BSG: variants seen among roughly 807,000 people sequenced by gnomAD.
BSG encodes the protein basigin.
Under a neutral mutation model 43.1 loss-of-function variants are expected in BSG, and 37 were observed. The observed-to-expected ratio is 0.86, with a 90% CI of 0.66 to 1.13. BSG has a LOEUF of 1.13. Among genes scored for constraint, BSG ranks in the 50% most tolerant of loss-of-function variants. The pLI is 0.00. For synonymous variants in BSG, 309 were observed against 238.7 expected (o/e 1.29, Z -2.72); for missense variants, 599 against 554.2 (o/e 1.08, Z -0.81).
intron 6 of BSG, 142 bp from the exon 7 acceptor site, chr19:582,164 C>A: frequency 9.6e-7 from 1 of 1,040,130 alleles, no homozygotes; most frequent in South Asian, 1.5e-5. Context: ...GTGGCCGGGG[C>A]TGATGAGCTG....
At chr19:575,568 A>G (rs1204515121) in intron 1 of BSG, among the ~76,000 whole-genome samples, 1 of 121,616 alleles carries the variant, frequency 8.2e-6, no homozygotes, top group African/African-American at 3.1e-5. Flanking sequence ...GCTGCTTCCC[A>G]GAGCTGTTCT....
upstream of BSG, chr19:571,554 C>G: frequency 1.3e-6 from 1 of 779,628 alleles, no homozygotes; most frequent in Non-Finnish European, 2.4e-6. Flanking sequence ...CACAATGAAG[C>G]AGTCGGACGC....
chr19:582,427 G>A (rs1982405859), intron 7 of BSG, 87 bp from the exon 8 acceptor site: 6 of 1,601,828 alleles, frequency 3.7e-6, no homozygotes, highest in Admixed American at 1.7e-5. Context: ...TCAGTATTCG[G>A]GGGTCCTGGG....
rs1301620430 is a variant in BSG, at chr19:581,523, A to AGGTGCT, written c.1011_1016dup (p.Leu338_Val339dup). The AGGTGCT allele has an allele frequency of 3.8e-5, 60 of 1,597,124 alleles. No homozygotes were observed. The Admixed American group carries it at 1.0e-3, about 28-fold the overall frequency. Reference sequence around the variant, plus strand: ...TGGCCCTTCCTGGGCATCGTGGCTGAGGTGCTGGTGCTGGTCACCATCATC... The same window carrying AGGTGCT: ...TGGCCCTTCCTGGGCATCGTGGCTGAGGTGCTGGTGCTGGTGCTGGTCACCATCATC... On this transcript the variant is annotated inframe_insertion, in exon 6 of 9. Coordinates refer to ENST00000333511, the MANE Select transcript of BSG (RefSeq NM_001728.4).
chr19:572,272 C>T (rs1380659992), upstream of BSG: 1 of 536,202 alleles, frequency 1.9e-6, no homozygotes, highest in African/African-American at 2.1e-5. Context: ...GGGTAACACA[C>T]TTTCAACGCT....
intron 1 of BSG, among the ~76,000 whole-genome samples, chr19:574,253 T>TAAAAA (rs11420107): frequency 7.1e-5 from 9 of 127,032 alleles, no homozygotes; most frequent in African/African-American, 2.7e-4. Flanking sequence ...ACTCTGTCTT[T>TAAAAA]AAAAAAAAAA....
upstream of BSG, chr19:572,426 C>T (rs990207531): frequency 8.8e-7 from 1 of 1,136,968 alleles, no homozygotes. Flanking sequence ...GCCCGGATTC[C>T]GTAGCGTGAG....
chr19:578,831 A>G (rs1233916605), intron 2 of BSG: 7 of 352,980 alleles, frequency 2.0e-5, no homozygotes, highest in Non-Finnish European at 3.9e-5. Flanking sequence ...CCCGGGTTCA[A>G]GCGATTCTTC....
chr19:576,469 A>G (rs1334817798), intron 1 of BSG, among the ~76,000 whole-genome samples: 1 of 152,166 alleles, frequency 6.6e-6, no homozygotes, highest in Non-Finnish European at 1.5e-5. Flanking sequence ...CTTTGTGAAA[A>G]TGGCACTGCC....
At chr19:576,037 C>A (rs1158135191) in intron 1 of BSG, among the ~76,000 whole-genome samples, 1 of 152,202 alleles carries the variant, frequency 6.6e-6, no homozygotes, top group Non-Finnish European at 1.5e-5. Context: ...CCTTTTGGTC[C>A]CTTTGGGAGC....
In BSG at chr19:581,500, G is replaced by T. The variant is rs1160173303; in HGVS notation, c.978G>T (p.Trp326Cys). 1 of 1,598,792 alleles carries T rather than the reference G, an allele frequency of 6.3e-7. No individual in the cohort carries two copies. Among genetic ancestry groups the T allele is most frequent in the Non-Finnish European group, 8.5e-7 (1 of 1,173,404 alleles). Reference protein sequence around the residue: ...LRVRSHLAALWPFLGIVAEVL... With the variant: ...LRVRSHLAALCPFLGIVAEVL... ...TGCGCAGCCACCTGGCCGCCCTCTG[G>T]CCCTTCCTGGGCATCGTGGCTGAGG... The change falls in exon 6 of 9, where the codon TGG becomes TGT. Residue 326 changes from tryptophan to cysteine, a missense_variant. Transcript: ENST00000333511.
Position 577,971 on chromosome 19 carries a change from G to A in BSG, c.265G>A (p.Ala89Thr), listed in dbSNP as rs754790842. 4.3e-6 allele frequency: 7 copies of A among 1,612,006 alleles called. No individual in the cohort carries two copies. The South Asian group carries it at 6.6e-5, about 15-fold the overall frequency. ...VHIHATYHQH[A>T]ASTISIDTLV... is the part of the protein sequence containing the mutation. ...CATCCACGCCACCTACCACCAGCAC[G>A]CGGCCAGCACCATCTCCATCGACAC... Residue 89 changes from alanine to threonine, a missense_variant, in exon 2 of 9, where the codon GCG becomes ACG. Ala to Thr is a moderately conservative substitution (Grantham distance 58, BLOSUM62 0). Coordinates refer to ENST00000333511, the MANE Select transcript of BSG (RefSeq NM_001728.4).
intron 6 of BSG, among the ~76,000 whole-genome samples, chr19:581,967 G>A (rs1982365870): frequency 1.3e-5 from 2 of 152,376 alleles, no homozygotes; most frequent in African/African-American, 2.4e-5. Context: ...CTGCCTCCTC[G>A]CGGAGCCCTT....
At chr19:573,257 A>C (rs577310345) in intron 1 of BSG, among the ~76,000 whole-genome samples, 1 of 152,108 alleles carries the variant, frequency 6.6e-6, no homozygotes, top group Admixed American at 6.5e-5. Context: ...GGACCTGGGG[A>C]AAGCGGCCTG....
chr19:578,069 G>A lies in BSG; in HGVS notation c.363G>A (p.Arg121=), dbSNP rs760875038. ...SNDPDRNHLT[R]APRVKWVRAQ... is the part of the protein sequence containing the mutation. ...ACCCGGATCGCAACCACCTGACCCGGGCGCCCAGGGTCAAGTGGGTCCGCG... is the reference window on the plus strand; with the variant it reads ...ACCCGGATCGCAACCACCTGACCCGAGCGCCCAGGGTCAAGTGGGTCCGCG... The change falls in exon 2 of 9, where the codon CGG becomes CGA. Residue 121 remains arginine (R), a synonymous_variant. Coordinates refer to ENST00000333511, the MANE Select transcript of BSG (RefSeq NM_001728.4). The A allele has an allele frequency of 3.7e-6, 6 of 1,607,878 alleles. No homozygotes were observed. In the Admixed American group the frequency reaches 1.0e-4, roughly 27 times the overall value.
chr19:579,432 G>A lies in BSG; in HGVS notation c.416-68G>A, dbSNP rs10416405. 10 of 1,596,154 alleles carry A rather than the reference G, an allele frequency of 6.3e-6. No individual in the cohort carries two copies. In the Admixed American group the frequency reaches 6.7e-5, roughly 11 times the overall value. Reference sequence around the variant, plus strand: ...TCCCGGGGAGGAGCCGCAGGTTCCTGGGGGTCAGGCAGGCAGCGCGGGCCG... The same window carrying A: ...TCCCGGGGAGGAGCCGCAGGTTCCTAGGGGTCAGGCAGGCAGCGCGGGCCG... On this transcript the variant is annotated intron_variant, in intron 2 of 8. Transcript: ENST00000333511.
chr19:572,389 T>C, upstream of BSG: 1 of 985,290 alleles, frequency 1.0e-6, no homozygotes, highest in Non-Finnish European at 1.2e-6. Flanking sequence ...TCCCGTTTCC[T>C]AGCAACGCCG....
At chr19:578,882 C>T (rs1982018483) in intron 2 of BSG, 1 of 384,498 alleles carries the variant, frequency 2.6e-6, no homozygotes, top group Non-Finnish European at 5.2e-6. Context: ...AGGCATGAGC[C>T]AACATGCCCA....
At chr19:571,339 C>T (rs1981216474), upstream of BSG, 11 of 597,114 alleles carry the variant, frequency 1.8e-5, no homozygotes, top group Non-Finnish European at 3.0e-5. Flanking sequence ...GCTTAGTCTG[C>T]GGTCCTCTTG....
Sources: allele counts gnomAD v4.1 joint callset (sites outside exome capture counted in the v4.1 genomes callset), GRCh38; gene constraint gnomAD v4.1.1; transcripts MANE v1.5; gene names NCBI Gene and HGNC (gene_info 2026-07-23, HGNC 2026-07-21).